The following LETM2 variants were observed in gnomAD, a reference collection of about 807,000 sequenced individuals.
The protein encoded by LETM2 is LETM1 domain-containing protein LETM2, mitochondrial.
In LETM2, 58 loss-of-function variants were observed where a neutral mutation model predicts 59.6. The observed-to-expected ratio is 0.97, with a 90% CI of 0.79 to 1.21. The LOEUF (loss-of-function observed/expected upper bound fraction) is 1.21, where lower values mean the gene tolerates loss of function less well. Ranked by LOEUF, LETM2 falls within the 50% of genes most tolerant of loss-of-function variation. The pLI is 0.00. For missense variants in LETM2, 572 were observed against 575.7 expected (o/e 0.99, Z 0.07); for synonymous variants, 199 against 214.1 (o/e 0.93, Z 0.62).
At chr8:38,397,515 TC>T (rs1274695949) in intron 4 of LETM2, among the ~76,000 whole-genome samples, 1 of 152,198 alleles carries the variant, frequency 6.6e-6, no homozygotes, top group Admixed American at 6.5e-5. Context: ...TATGATGTAA[TC>T]AGAGACCACT....
chr8:38,405,245 A>G (rs1179804127), intron 8 of LETM2, among the ~76,000 whole-genome samples: 1 of 151,640 alleles, frequency 6.6e-6, no homozygotes, highest in Non-Finnish European at 1.5e-5. Flanking sequence ...ATGTCTTTCA[A>G]CTCATTTCCT....
upstream of LETM2, chr8:38,386,440 C>G (rs1176635212): frequency 1.3e-5 from 2 of 152,340 alleles, no homozygotes; most frequent in East Asian, 3.9e-4. Flanking sequence ...TGTCGTCACT[C>G]AGAGTGACGT....
chr8:38,383,907 G>A (rs1450507606), upstream of LETM2, among the ~76,000 whole-genome samples: 1 of 149,100 alleles, frequency 6.7e-6, no homozygotes, highest in African/African-American at 2.5e-5. Context: ...TCCAGCCTGG[G>A]CGACACAGAG....
At chr8:38,385,746 G>A (rs926420597), upstream of LETM2, among the ~76,000 whole-genome samples, 1 of 152,178 alleles carries the variant, frequency 6.6e-6, no homozygotes, top group African/African-American at 2.4e-5. Flanking sequence ...TAAAATGGAT[G>A]GGAAAAGATA....
Position 38,400,400 on chromosome 8 carries a change from C to G in LETM2, c.774C>G (p.Tyr258Ter). The G allele has an allele frequency of 1.9e-6, 3 of 1,578,620 alleles. No individual in the cohort carries two copies. The highest frequency in any genetic ancestry group is 8.6e-7 in the Non-Finnish European group (1 of 1,164,880). ...ATGCCTCTACACAGCTCTCATCCTA[C>G]GTGAAGCAGGTGTCCATCTTTTATG... ...MGDASTQLSS[Y>*]VKQVQTGHKP... Residue 258 changes from tyrosine to a stop codon, truncating the protein, a stop_gained, in exon 5 of 11, where the codon TAC becomes TAG. Coordinates refer to ENST00000379957, the MANE Select transcript of LETM2 (RefSeq NM_001286819.2). LOFTEE classifies it high-confidence loss of function.
intron 4 of LETM2, among the ~76,000 whole-genome samples, chr8:38,399,777 C>CAAAA (rs10683906): frequency 2.3e-5 from 2 of 85,314 alleles, no homozygotes; most frequent in Non-Finnish European, 4.6e-5. Flanking sequence ...AACTCCATCT[C>CAAAA]AAAAAAAAAA....
At chr8:38,393,342 G>T (rs537713995) in intron 3 of LETM2, 15 of 203,394 alleles carry the variant, frequency 7.4e-5, no homozygotes, top group Non-Finnish European at 1.1e-4. Context: ...TTAAGCATAT[G>T]CATTTTTAAA....
intron 2 of LETM2, among the ~76,000 whole-genome samples, chr8:38,391,301 T>G (rs1436208228): frequency 2.4e-5 from 3 of 126,188 alleles, no homozygotes; most frequent in African/African-American, 9.5e-5. Context: ...TTTATTTTAG[T>G]TTTTTTTTTT....
At chr8:38,391,181 C>CAAAAAAAAAAAAAAAAAAAAAA (rs552521178) in intron 2 of LETM2, among the ~76,000 whole-genome samples, 2 of 51,940 alleles carry the variant, frequency 3.9e-5, no homozygotes, top group East Asian at 5.8e-4. Context: ...CCTCCTGTCT[C>CAAAAAAAAAAAAAAAAAAAAAA]AAAAAAAAAA....
chr8:38,391,212 C>CAAAAA (rs1381418029), intron 2 of LETM2, among the ~76,000 whole-genome samples: 3 of 120,094 alleles, frequency 2.5e-5, no homozygotes, highest in Non-Finnish European at 5.4e-5. Flanking sequence ...AAAAAAAAAC[C>CAAAAA]AAAAAACTGA....
Position 38,408,383 on chromosome 8 carries a change from T to A in LETM2, c.*109T>A. The A allele has an allele frequency of 1.0e-6, 1 of 970,446 alleles. No homozygotes were observed. Among genetic ancestry groups the A allele is most frequent in the Non-Finnish European group, 1.6e-6 (1 of 633,304 alleles). 60.1% of individuals were successfully genotyped at this position (970,446 alleles called of 1,614,324 possible). On this transcript the variant is annotated 3_prime_UTR_variant, in exon 11 of 11. Transcript: ENST00000379957. Reference sequence around the variant, plus strand: ...GTCTGGCTTCAGAGAGCGGATCAGCTGTTTAGCCCGTGGGGCAGTCCTTTG... The same window carrying A: ...GTCTGGCTTCAGAGAGCGGATCAGCAGTTTAGCCCGTGGGGCAGTCCTTTG...
chr8:38,394,668 C>G (rs1302360711), intron 4 of LETM2, among the ~76,000 whole-genome samples: 9 of 151,766 alleles, frequency 5.9e-5, no homozygotes, highest in Admixed American at 1.3e-4. Flanking sequence ...ATAGTGAGAC[C>G]CCATTTCTAC....
intron 9 of LETM2, 113 bp downstream of exon 9, chr8:38,407,151 T>A: frequency 1.4e-6 from 1 of 740,280 alleles, no homozygotes; most frequent in South Asian, 1.6e-5. Context: ...ACAATAATGT[T>A]CCTTAATAAG....
rs191934501 is a variant in LETM2, at chr8:38,402,803, C to T, written c.1104+159C>T. ...GCTGAAGGACTAGGTTGATTTTTCA[C>T]TTTGATTGGGATCTCTATCAGTTTT... On this transcript the variant is annotated intron_variant, in intron 7 of 10. Coordinates refer to ENST00000379957, the MANE Select transcript of LETM2 (RefSeq NM_001286819.2). 1.9e-3 allele frequency among the ~76,000 whole-genome samples: 283 copies of T among 152,316 alleles called. 1 individual carries two copies. Among genetic ancestry groups the T allele is most frequent in the Non-Finnish European group, 3.1e-3 (211 of 68,016 alleles).
At position 38,404,715 on chromosome 8, in the gene LETM2, T is replaced by C. The variant is rs7001340; in HGVS notation, c.1218+209T>C. The C allele has an allele frequency of 0.2, 105,118 of 513,832 alleles. 11,487 individuals carry two copies. The highest frequency in any genetic ancestry group is 0.35 in the East Asian group (9,719 of 27,844). The allele number at this position is 513,832 out of a possible 1,614,324, so 31.8% of individuals were successfully genotyped here. ...CAAAGGAAGGCCAGGCACAGTGGCT[T>C]ACGCCTGTAATCCCAGCACTTTGGG... On this transcript the variant is annotated intron_variant, in intron 8 of 10. Coordinates refer to ENST00000379957, the MANE Select transcript of LETM2 (RefSeq NM_001286819.2).
At chr8:38,392,426 A>T (rs1020549344) in intron 2 of LETM2, 116 bp from the exon 3 acceptor site, 6 of 726,164 alleles carry the variant, frequency 8.3e-6, no homozygotes, top group Admixed American at 2.6e-5. Flanking sequence ...AAAAAAAAAA[A>T]GCTGTTTTAT....
intron 2 of LETM2, among the ~76,000 whole-genome samples, chr8:38,390,343 C>T (rs954103824): frequency 5.9e-5 from 9 of 151,912 alleles, no homozygotes; most frequent in Admixed American, 2.0e-4. Flanking sequence ...AAAAAAGAGC[C>T]GGGTGTGATG....
At chr8:38,393,972 T>C in intron 3 of LETM2, 126 bp from the exon 4 acceptor site, 1 of 772,720 alleles carries the variant, frequency 1.3e-6, no homozygotes, top group Non-Finnish European at 1.9e-6. Flanking sequence ...CTGGGCAACA[T>C]AGTGAGACAC....
chr8:38,384,085 C>A (rs980620474), upstream of LETM2, among the ~76,000 whole-genome samples: 2 of 151,944 alleles, frequency 1.3e-5, no homozygotes, highest in Admixed American at 1.3e-4. Flanking sequence ...GCCACCAAGT[C>A]TAGCTTAATT....
Sources: gnomAD v4.1 joint callset for allele counts (sites outside exome capture counted in the v4.1 genomes callset) on GRCh38, gnomAD v4.1.1 for gene constraint, MANE v1.5 for transcripts, NCBI Gene and HGNC (gene_info 2026-07-23, HGNC 2026-07-21) for gene names.